CADM2: variants seen among roughly 807,000 people sequenced by gnomAD.
CADM2 encodes the protein cell adhesion molecule 2, also known as immunoglobulin superfamily member 4D.
A neutral mutation model predicts 49.8 loss-of-function variants in CADM2; 12 were observed. The observed-to-expected ratio is 0.24, with a 90% CI of 0.15 to 0.39. CADM2 has a LOEUF of 0.39. Among genes scored for constraint, CADM2 ranks in the 10% least tolerant of loss-of-function variants. The probability of loss-of-function intolerance (pLI) is 1.00; values close to 1 mark genes in which losing one functional copy is unlikely to be tolerated. For missense variants in CADM2, 378 were observed against 492.3 expected (o/e 0.77, Z 2.20); for synonymous variants, 214 against 175.4 (o/e 1.22, Z -1.74).
In CADM2 at chr3:85,755,378, T is replaced by G. The variant is rs538916728; in HGVS notation, c.88+28830T>G. The stretch of plus-strand genomic sequence containing the variant: ...GATGCTTTAAAATGGTATGTGGGAG[T>G]GGGTGGGTAGCCCAGAGCTTCCTGC... On this transcript the variant is annotated intron_variant, in intron 2 of 9. Coordinates refer to ENST00000383699, the MANE Select transcript of CADM2 (RefSeq NM_001167675.2). 6.6e-5 allele frequency among the ~76,000 whole-genome samples: 10 copies of G among 152,016 alleles called. No individual in the cohort carries two copies. In the South Asian group the frequency reaches 1.0e-3, roughly 16 times the overall value.
At chr3:85,695,556 A>G (rs1010828267) in intron 1 of CADM2, among the ~76,000 whole-genome samples, 1 of 137,646 alleles carries the variant, frequency 7.3e-6, no homozygotes, top group South Asian at 2.1e-4. Context: ...AGTAATATTC[A>G]TATATATATA....
At chr3:85,011,173 C>CT (rs201193246) in intron 1 of CADM2, among the ~76,000 whole-genome samples, 7,461 of 151,704 alleles carry the variant, frequency 0.049, 226 homozygotes, top group Admixed American at 0.09. Flanking sequence ...CTGTTTATGT[C>CT]TTTTTTTTGT....
chr3:85,537,479 C>T (rs902246952), intron 1 of CADM2, among the ~76,000 whole-genome samples: 1 of 105,968 alleles, frequency 9.4e-6, no homozygotes, highest in African/African-American at 3.1e-5. Flanking sequence ...AGTACAAGTA[C>T]GCATGCATGG....
chr3:85,250,595 G>A (rs2042751096), intron 1 of CADM2, among the ~76,000 whole-genome samples: 2 of 151,492 alleles, frequency 1.3e-5, no homozygotes, highest in African/African-American at 2.4e-5. Flanking sequence ...GTGAATAAAA[G>A]GAACTGCCTA....
At chr3:85,243,933 T>A (rs890749155) in intron 1 of CADM2, among the ~76,000 whole-genome samples, 7 of 152,068 alleles carry the variant, frequency 4.6e-5, no homozygotes, top group African/African-American at 1.7e-4. Context: ...TTATATAAAA[T>A]CATTATTAAA....
chr3:85,543,431 T>G (rs5003805), intron 1 of CADM2, among the ~76,000 whole-genome samples: 71 of 69,864 alleles, frequency 1.0e-3, no homozygotes, highest in East Asian at 3.6e-3. Context: ...TGTGTGTGTG[T>G]GTGTGTGTGT....
intron 1 of CADM2, among the ~76,000 whole-genome samples, chr3:85,704,382 G>A (rs1486092677): frequency 6.6e-6 from 1 of 152,156 alleles, no homozygotes; most frequent in Non-Finnish European, 1.5e-5. Flanking sequence ...AAAACTGGGT[G>A]TCTTAAACAG....
chr3:85,699,443 A>C (rs1257137997), intron 1 of CADM2, among the ~76,000 whole-genome samples: 1 of 152,214 alleles, frequency 6.6e-6, no homozygotes, highest in African/African-American at 2.4e-5. Context: ...GCTTCTGCTT[A>C]GACATTTAGG....
chr3:85,057,346 A>G (rs1469560629), intron 1 of CADM2, among the ~76,000 whole-genome samples: 6 of 152,114 alleles, frequency 3.9e-5, no homozygotes, highest in Admixed American at 3.9e-4. Flanking sequence ...GTGTTACAGA[A>G]CTTTCATTTT....
At chr3:85,277,582 C>G (rs771045841) in intron 1 of CADM2, among the ~76,000 whole-genome samples, 1 of 151,474 alleles carries the variant, frequency 6.6e-6, no homozygotes, top group East Asian at 1.9e-4. Flanking sequence ...CTCTCACGAA[C>G]ATTGTTATGC....
chr3:85,836,644 G>A (rs137943383), intron 3 of CADM2, among the ~76,000 whole-genome samples: 97 of 151,538 alleles, frequency 6.4e-4, no homozygotes, highest in African/African-American at 2.3e-3. Flanking sequence ...TGAAATAGAG[G>A]GTAATGGATA....
At chr3:85,558,692 C>G (rs1158383978) in intron 1 of CADM2, among the ~76,000 whole-genome samples, 56 of 151,950 alleles carry the variant, frequency 3.7e-4, no homozygotes, top group Admixed American at 3.7e-3. Context: ...TATTTCTTCT[C>G]CTTTTCAGTT....
intron 8 of CADM2, among the ~76,000 whole-genome samples, chr3:86,007,473 C>G (rs926434659): frequency 7.2e-5 from 11 of 152,098 alleles, no homozygotes; most frequent in Non-Finnish European, 1.5e-4. Flanking sequence ...AACTTTCCAG[C>G]AGCCAAGGTA....
At chr3:85,655,245 C>G (rs2065161766) in intron 1 of CADM2, among the ~76,000 whole-genome samples, 1 of 151,672 alleles carries the variant, frequency 6.6e-6, no homozygotes, top group Non-Finnish European at 1.5e-5. Flanking sequence ...ATCTCTACCT[C>G]CCAGGTTCAA....
intron 1 of CADM2, among the ~76,000 whole-genome samples, chr3:85,182,486 C>A (rs1251474435): frequency 7.2e-5 from 11 of 151,778 alleles, no homozygotes; most frequent in Non-Finnish European, 1.3e-4. Context: ...TCAGACAATC[C>A]CAAATTGAGG....
chr3:85,777,087 T>C (rs1336489347), intron 2 of CADM2, among the ~76,000 whole-genome samples: 1 of 152,082 alleles, frequency 6.6e-6, no homozygotes, highest in African/African-American at 2.4e-5. Context: ...TGTACATAAA[T>C]ATGCATAGTA....
intron 1 of CADM2, among the ~76,000 whole-genome samples, chr3:85,676,289 C>T (rs2065884179): frequency 6.6e-6 from 1 of 152,100 alleles, no homozygotes; most frequent in Non-Finnish European, 1.5e-5. Flanking sequence ...TCTTTTTTGT[C>T]TATTTCCCTC....
At chr3:85,214,830 C>T (rs1025173351) in intron 1 of CADM2, among the ~76,000 whole-genome samples, 1 of 151,916 alleles carries the variant, frequency 6.6e-6, no homozygotes, top group Non-Finnish European at 1.5e-5. Context: ...TGCTGCCAGT[C>T]GTGAGTCCCT....
intron 1 of CADM2, among the ~76,000 whole-genome samples, chr3:85,378,283 A>G (rs2033707111): frequency 6.6e-6 from 1 of 151,960 alleles, no homozygotes; most frequent in South Asian, 2.1e-4. Flanking sequence ...AGCCACTCGT[A>G]TATTTATCTT....
Sources: allele counts gnomAD v4.1 joint callset (sites outside exome capture counted in the v4.1 genomes callset), GRCh38; gene constraint gnomAD v4.1.1; transcripts MANE v1.5; gene names NCBI Gene and HGNC (gene_info 2026-07-23, HGNC 2026-07-21).